Variants in TRPC4AP observed in about 807,000 individuals in gnomAD.
TRPC4AP encodes the protein short transient receptor potential channel 4-associated protein.
In TRPC4AP, 45 loss-of-function variants were observed where a neutral mutation model predicts 99.0. The observed-to-expected ratio is 0.45, with a 90% CI of 0.36 to 0.58. The LOEUF (loss-of-function observed/expected upper bound fraction) is 0.58, where lower values mean the gene tolerates loss of function less well. TRPC4AP is among the 20% of genes least tolerant of loss of function. The pLI is 0.00. For synonymous variants in TRPC4AP, 408 were observed against 385.8 expected (o/e 1.06, Z -0.67); for missense variants, 879 against 985.3 (o/e 0.89, Z 1.44).
intron 1 of TRPC4AP, among the ~76,000 whole-genome samples, chr20:35,078,702 T>A (rs1253204498): frequency 2.0e-5 from 3 of 152,118 alleles, no homozygotes; most frequent in African/African-American, 4.8e-5. Context: ...AGAATGGATT[T>A]AAAAAACCAA....
At chr20:35,034,493 C>T (rs986838856) in intron 8 of TRPC4AP, among the ~76,000 whole-genome samples, 18 of 152,082 alleles carry the variant, frequency 1.2e-4, no homozygotes, top group African/African-American at 4.3e-4. Flanking sequence ...CCATACTCAC[C>T]GAGAACTTAG....
At chr20:35,044,449 T>C in intron 7 of TRPC4AP, 56 bp downstream of exon 7, 1 of 1,452,918 alleles carries the variant, frequency 6.9e-7, no homozygotes, top group Non-Finnish European at 9.3e-7. Context: ...AACTAGATGA[T>C]TTAGTAAGGG....
At chr20:35,068,676 C>T (rs899415132) in intron 3 of TRPC4AP, among the ~76,000 whole-genome samples, 2 of 151,978 alleles carry the variant, frequency 1.3e-5, no homozygotes, top group Non-Finnish European at 2.9e-5. Context: ...TGCCTGCCAC[C>T]GTGCCCATCT....
chr20:35,090,507 G>A (rs1163070249), intron 1 of TRPC4AP, among the ~76,000 whole-genome samples: 1 of 151,056 alleles, frequency 6.6e-6, no homozygotes, highest in Non-Finnish European at 1.5e-5. Context: ...CAGAGTAGCT[G>A]GGATTACAGG....
intron 14 of TRPC4AP, 69 bp downstream of exon 14, chr20:35,007,481 G>A: frequency 6.7e-7 from 1 of 1,500,648 alleles, no homozygotes; most frequent in East Asian, 2.3e-5. Context: ...TTGGGGCTCA[G>A]GACAGGACAC....
intron 17 of TRPC4AP, 136 bp from the exon 18 acceptor site, chr20:35,003,752 G>A (rs2082450079): frequency 8.3e-6 from 8 of 961,946 alleles, no homozygotes; most frequent in Non-Finnish European, 1.1e-5. Flanking sequence ...CTGCACAGAG[G>A]TGAGATAGGA....
chr20:35,057,403 C>T (rs981503845), intron 4 of TRPC4AP, 111 bp downstream of exon 4: 18 of 842,464 alleles, frequency 2.1e-5, no homozygotes, highest in Non-Finnish European at 9.7e-6. Flanking sequence ...AAATGTAAGA[C>T]ATGTCCTTAC....
At chr20:35,041,361 A>G (rs902838836) in intron 7 of TRPC4AP, among the ~76,000 whole-genome samples, 3 of 152,072 alleles carry the variant, frequency 2.0e-5, no homozygotes, top group Non-Finnish European at 4.4e-5. Flanking sequence ...CGGGTAAGGG[A>G]ATGGAGTAGG....
At chr20:35,020,377 T>C (rs561860832) in intron 9 of TRPC4AP, among the ~76,000 whole-genome samples, 1 of 152,208 alleles carries the variant, frequency 6.6e-6, no homozygotes, top group Non-Finnish European at 1.5e-5. Flanking sequence ...CCTCCTCTCC[T>C]GGCTGTTTGC....
chr20:35,040,502 G>C (rs1437923220), intron 7 of TRPC4AP, among the ~76,000 whole-genome samples: 1 of 152,208 alleles, frequency 6.6e-6, no homozygotes, highest in Non-Finnish European at 1.5e-5. Context: ...TCCAGCCGGG[G>C]AGCTACACCA....
At position 35,092,761 on chromosome 20, in the gene TRPC4AP, C is replaced by A. The variant is rs1462324119; in HGVS notation, c.21G>T (p.Ala7=). ...TCCCTCGGCCGGCTCCAGACCCAGC[C>A]GCTACCGGCGCCGCCGCCATGTCTC... The part of the protein sequence containing the change: MAAAPV[A]AGSGAGRGRR... Residue 7 remains alanine (A), a synonymous_variant, in exon 1 of 19, where the codon GCG becomes GCT. Transcript: ENST00000252015. 4.5e-6 allele frequency: 7 copies of A among 1,542,786 alleles called. No individual in the cohort carries two copies. The highest frequency in any genetic ancestry group is 5.1e-5 in the East Asian group (2 of 38,944).
chr20:35,043,915 A>C (rs1158990054), intron 7 of TRPC4AP, among the ~76,000 whole-genome samples: 2 of 152,194 alleles, frequency 1.3e-5, no homozygotes, highest in African/African-American at 2.4e-5. Context: ...CCCAGGAGAG[A>C]CTTAGTAGAT....
chr20:35,066,107 T>G (rs2084137536), intron 3 of TRPC4AP, among the ~76,000 whole-genome samples: 1 of 151,318 alleles, frequency 6.6e-6, no homozygotes, highest in Admixed American at 6.6e-5. Flanking sequence ...GCATAAAGAG[T>G]ACAATTTTTT....
chr20:35,019,023 C>G (rs1477475468), intron 9 of TRPC4AP, among the ~76,000 whole-genome samples: 3 of 152,244 alleles, frequency 2.0e-5, no homozygotes, highest in African/African-American at 7.2e-5. Flanking sequence ...TGAAACTTGA[C>G]AGCACATGGG....
rs1256100046 is a variant in TRPC4AP, at chr20:35,084,734, A to ATGTATATATGTTTATATGCATATATG, written c.169-6561_169-6560insCATATATGCATATAAACATATATACA. Among the ~76,000 whole-genome samples, 42 of 144,596 alleles carry ATGTATATATGTTTATATGCATATATG rather than the reference A, an allele frequency of 2.9e-4. 1 individual carries two copies. In the South Asian group the frequency reaches 3.1e-3, roughly 11 times the overall value. 94.9% of individuals were successfully genotyped at this position (144,596 alleles called of 152,430 possible). A position where few individuals can be genotyped will look rare whatever the true frequency, so the allele number is the denominator to read the frequency against. Reference sequence around the variant, plus strand: ...TATGTTTATATGCATATATGTGTATATGTATATATGTTTATATGCATATAT... The same window carrying ATGTATATATGTTTATATGCATATATG: ...TATGTTTATATGCATATATGTGTATATGTATATATGTTTATATGCATATATGTGTATATATGTTTATATGCATATAT... On this transcript the variant is annotated intron_variant, in intron 1 of 18. Coordinates refer to ENST00000252015, the MANE Select transcript of TRPC4AP (RefSeq NM_015638.3).
chr20:35,012,956 C>T lies in TRPC4AP; in HGVS notation c.1409+52G>A, dbSNP rs547739035. 222 of 1,587,918 alleles carry T rather than the reference C, an allele frequency of 1.4e-4. 7 individuals are homozygous for T. The South Asian group carries it at 2.3e-3, about 17-fold the overall frequency. ...CAGGGACCAGACAAGGAGATCGAGG[C>T]CTTCCGAAGACAGCCCAACAACTCT... On this transcript the variant is annotated intron_variant, in intron 11 of 18. Transcript: ENST00000252015.
At chr20:35,046,235 A>G (rs2083559881) in intron 6 of TRPC4AP, among the ~76,000 whole-genome samples, 1 of 152,124 alleles carries the variant, frequency 6.6e-6, no homozygotes, top group African/African-American at 2.4e-5. Context: ...TTTTCCTTCT[A>G]TTGCTAGCTT....
At chr20:35,014,314 ATTTTTTTTTT>A (rs66518839) in intron 10 of TRPC4AP, among the ~76,000 whole-genome samples, 1 of 113,190 alleles carries the variant, frequency 8.8e-6, no homozygotes, top group Non-Finnish European at 1.7e-5. Context: ...CTCAGGCAGA[ATTTTTTTTTT>A]TTTTTTTTTT....
chr20:35,087,620 A>G (rs1446424427), intron 1 of TRPC4AP, among the ~76,000 whole-genome samples: 1 of 152,146 alleles, frequency 6.6e-6, no homozygotes, highest in East Asian at 1.9e-4. Flanking sequence ...TTGTACGCCC[A>G]TGGTAAGGAA....
Sources: allele counts gnomAD v4.1 joint callset (sites outside exome capture counted in the v4.1 genomes callset), GRCh38; gene constraint gnomAD v4.1.1; transcripts MANE v1.5; gene names NCBI Gene and HGNC (gene_info 2026-07-23, HGNC 2026-07-21).